Variants in WNK1 observed in about 807,000 individuals in gnomAD.
WNK1 encodes the protein WNK lysine deficient protein kinase 1, also known as serine/threonine-protein kinase WNK1.
In WNK1, 38 loss-of-function variants were observed where a neutral mutation model predicts 222.8. The observed-to-expected ratio is 0.17, with a 90% CI of 0.13 to 0.22. The LOEUF (loss-of-function observed/expected upper bound fraction) is 0.22, where lower values mean the gene tolerates loss of function less well. Among genes scored for constraint, WNK1 ranks in the 10% least tolerant of loss-of-function variants. The pLI, the probability that WNK1 is intolerant of heterozygous loss-of-function variation, is 1.00. For synonymous variants in WNK1, 1,090 were observed against 1,092.9 expected (o/e 1.00, Z 0.05); for missense variants, 2,348 against 2,918.4 (o/e 0.80, Z 4.50).
At chr12:894,046 C>T (rs897795322) in intron 22 of WNK1, among the ~76,000 whole-genome samples, 3 of 151,430 alleles carry the variant, frequency 2.0e-5, no homozygotes, top group Admixed American at 6.6e-5. Flanking sequence ...GGTGAAACTC[C>T]GTCTCTACTA....
At chr12:844,117 A>T (rs1193148585) in intron 4 of WNK1, among the ~76,000 whole-genome samples, 2 of 151,934 alleles carry the variant, frequency 1.3e-5, no homozygotes, top group Non-Finnish European at 2.9e-5. Flanking sequence ...GTTGCTTTTT[A>T]AAAATTTTCT....
chr12:769,889 C>T (rs1481840874), intron 1 of WNK1, among the ~76,000 whole-genome samples: 1 of 152,178 alleles, frequency 6.6e-6, no homozygotes, highest in East Asian at 1.9e-4. Flanking sequence ...TGTGAACCCA[C>T]TCTCAAAAGC....
intron 4 of WNK1, among the ~76,000 whole-genome samples, chr12:856,299 C>G (rs1318748472): frequency 1.3e-5 from 2 of 151,360 alleles, no homozygotes; most frequent in Non-Finnish European, 3.0e-5. Flanking sequence ...ACTAAAAATA[C>G]AAAAATTAGC....
intron 8 of WNK1, chr12:869,260 C>T (rs1186452611): frequency 9.8e-7 from 1 of 1,017,768 alleles, no homozygotes; most frequent in Non-Finnish European, 1.5e-6. Flanking sequence ...TTGTGAACTA[C>T]ATATATGCAT....
chr12:890,477 G>T lies in WNK1; in HGVS notation c.5473G>T (p.Ala1825Ser), dbSNP rs200088531. 1.9e-6 allele frequency: 3 copies of T among 1,614,108 alleles called. No individual in the cohort carries two copies. The highest frequency in any genetic ancestry group is 1.7e-5 in the Admixed American group (1 of 60,022). ...VGPVSMAAPTAITEAGTQPQK... is the reference protein window; with the variant it reads ...VGPVSMAAPTSITEAGTQPQK... ...GCCTGTGTCCATGGCGGCTCCAACA[G>T]CAATCACAGAAGCAGGAACACAGCC... Residue 1825 changes from alanine to serine, a missense_variant, in exon 22 of 28, where the codon GCA (alanine) becomes TCA (serine). Ala to Ser is a moderately conservative substitution (Grantham distance 99). Transcript: ENST00000315939.
At chr12:882,148 A>C in intron 14 of WNK1, 75 bp downstream of exon 14, 1 of 1,457,124 alleles carries the variant, frequency 6.9e-7, no homozygotes, top group Non-Finnish European at 9.4e-7. Flanking sequence ...AGGTCATCAA[A>C]TCCAAACCAC....
chr12:898,157 A>T (rs1431073558), intron 25 of WNK1, among the ~76,000 whole-genome samples: 1 of 152,186 alleles, frequency 6.6e-6, no homozygotes, highest in African/African-American at 2.4e-5. Context: ...TTCTTGATTA[A>T]GGTTTTTATT....
At chr12:813,553 A>G (rs1947091247) in intron 1 of WNK1, 89 bp from the exon 2 acceptor site, 1 of 1,380,998 alleles carries the variant, frequency 7.2e-7, no homozygotes. Flanking sequence ...ATCGATCATG[A>G]TTTAGTAATG....
intron 1 of WNK1, among the ~76,000 whole-genome samples, chr12:791,058 C>T (rs188846104): frequency 3.8e-4 from 58 of 152,024 alleles, no homozygotes; most frequent in Middle Eastern, 3.4e-3. Flanking sequence ...CTTCTAAACC[C>T]AAGACAGCTT....
intron 4 of WNK1, among the ~76,000 whole-genome samples, chr12:856,471 A>G (rs1179998146): frequency 6.6e-6 from 1 of 150,822 alleles, no homozygotes; most frequent in Non-Finnish European, 1.5e-5. Context: ...AAAAAAAAAT[A>G]AGAAAGAATT....
intron 1 of WNK1, among the ~76,000 whole-genome samples, chr12:789,393 A>G (rs1030870860): frequency 1.1e-4 from 16 of 152,186 alleles, no homozygotes; most frequent in African/African-American, 2.9e-4. Context: ...TTTACTTAGC[A>G]TAGTATGGTA....
At chr12:767,250 T>C (rs972363321) in intron 1 of WNK1, among the ~76,000 whole-genome samples, 3 of 128,910 alleles carry the variant, frequency 2.3e-5, no homozygotes, top group Non-Finnish European at 3.3e-5. Context: ...TTTTTTTTTT[T>C]TTTTTTTTTT....
chr12:814,773 C>G (rs1268884507), intron 2 of WNK1, among the ~76,000 whole-genome samples: 7 of 152,082 alleles, frequency 4.6e-5, no homozygotes, highest in Middle Eastern at 3.2e-3. Flanking sequence ...TGGAATGATT[C>G]AAGCACATTA....
intron 21 of WNK1, 70 bp downstream of exon 21, chr12:889,293 T>A: frequency 7.6e-7 from 1 of 1,310,934 alleles, no homozygotes; most frequent in Non-Finnish European, 1.1e-6. Flanking sequence ...ACACAAACTG[T>A]AACCTAAACC....
intron 1 of WNK1, among the ~76,000 whole-genome samples, chr12:790,812 T>C (rs1944762681): frequency 6.6e-6 from 1 of 152,204 alleles, no homozygotes; most frequent in Non-Finnish European, 1.5e-5. Flanking sequence ...CCTTTCCTTT[T>C]CTTTCTTTTC....
intron 4 of WNK1, among the ~76,000 whole-genome samples, chr12:840,555 C>CA (rs1230812525): frequency 2.0e-5 from 3 of 152,212 alleles, no homozygotes; most frequent in Non-Finnish European, 4.4e-5. Context: ...CAGCCACACT[C>CA]ACTTGCTTCC....
chr12:900,020 T>TTTC (rs201276517), intron 25 of WNK1, among the ~76,000 whole-genome samples: 21,429 of 145,080 alleles, frequency 0.15, 1,633 homozygotes, highest in Admixed American at 0.19. Flanking sequence ...TCTTTTCTTT[T>TTTC]TTTTTTTTTT....
At chr12:879,409 CT>C (rs1265707338) in intron 10 of WNK1, among the ~76,000 whole-genome samples, 163 bp from the exon 11 acceptor site, 1 of 147,744 alleles carries the variant, frequency 6.8e-6, no homozygotes, top group Non-Finnish European at 1.5e-5. Context: ...GGCATATTAA[CT>C]TAACACTAAT....
chr12:794,816 A>G (rs766809749), intron 1 of WNK1, among the ~76,000 whole-genome samples: 3 of 152,224 alleles, frequency 2.0e-5, no homozygotes, highest in Admixed American at 6.5e-5. Context: ...CAGAGGCACA[A>G]TCATGGCTCA....
Sources: gnomAD v4.1 joint callset for allele counts (sites outside exome capture counted in the v4.1 genomes callset) on GRCh38, gnomAD v4.1.1 for gene constraint, MANE v1.5 for transcripts, NCBI Gene and HGNC (gene_info 2026-07-23, HGNC 2026-07-21) for gene names.